FRY: variants seen among roughly 807,000 people sequenced by gnomAD.
FRY encodes the protein FRY microtubule binding protein.
In FRY, 128 loss-of-function variants were observed where a neutral mutation model predicts 348.4. The observed-to-expected ratio is 0.37, with a 90% CI of 0.32 to 0.43. The LOEUF is 0.43. Among genes scored for constraint, FRY ranks in the 20% least tolerant of loss-of-function variants. The pLI is 1.00. For missense variants in FRY, 2,736 were observed against 3,695.2 expected (o/e 0.74, Z 6.73); for synonymous variants, 1,370 against 1,374.7 (o/e 1.00, Z 0.08).
intron 17 of FRY, among the ~76,000 whole-genome samples, chr13:32,162,008 G>A (rs1280745672): frequency 6.6e-6 from 1 of 152,156 alleles, no homozygotes; most frequent in African/African-American, 2.4e-5. Flanking sequence ...AAAATTATTA[G>A]ACACGTGGGA....
chr13:32,073,674 A>C (rs943585754), intron 1 of FRY, among the ~76,000 whole-genome samples: 4 of 152,246 alleles, frequency 2.6e-5, no homozygotes, highest in Non-Finnish European at 5.9e-5. Context: ...TGCCTGGAAC[A>C]GTGCCTGAAG....
At chr13:32,197,935 T>C (rs1883775708) in intron 29 of FRY, among the ~76,000 whole-genome samples, 1 of 151,598 alleles carries the variant, frequency 6.6e-6, no homozygotes, top group Non-Finnish European at 1.5e-5. Flanking sequence ...ATCACAGCTG[T>C]CTTTATCTTT....
intron 58 of FRY, 28 bp downstream of exon 58, chr13:32,278,576 C>A: frequency 9.0e-7 from 1 of 1,109,256 alleles, no homozygotes; most frequent in Non-Finnish European, 1.4e-6. Flanking sequence ...GAATGGGTCT[C>A]TTGTGTGCTC....
chr13:32,272,674 A>G (rs1187447630), intron 55 of FRY, among the ~76,000 whole-genome samples: 2 of 152,150 alleles, frequency 1.3e-5, no homozygotes, highest in African/African-American at 4.8e-5. Context: ...AAAACAAAAC[A>G]AAAAACATTG....
At position 32,131,859 on chromosome 13, in the gene FRY, G is replaced by C. The variant is rs376631619; in HGVS notation, c.885+19G>C. On this transcript the variant is annotated intron_variant, in intron 8 of 60. Coordinates refer to ENST00000542859, the MANE Select transcript of FRY (RefSeq NM_023037.3). ...TATGCAGGTAATGTCTTAGGCAGGA[G>C]AGCTAAGGTGCTCTCAACTTGAGCA... The C allele has an allele frequency of 6.2e-6, 10 of 1,600,560 alleles. No homozygotes were observed. The South Asian group carries it at 6.6e-5, about 11-fold the overall frequency.
chr13:32,080,459 C>T lies in FRY; in HGVS notation c.270+1426C>T, dbSNP rs191174049. ...AGTTAAGTAAATACTCAAGGTCACA[C>T]AGTGTTGATTTAAACTCAAACTAGG... On this transcript the variant is annotated intron_variant, in intron 2 of 60. Coordinates refer to ENST00000542859, the MANE Select transcript of FRY (RefSeq NM_023037.3). Among the ~76,000 whole-genome samples the T allele has an allele frequency of 2.1e-3, 321 of 152,332 alleles. 1 individual carries two copies. The highest frequency in any genetic ancestry group is 3.7e-3 in the Non-Finnish European group (249 of 68,024).
chr13:32,173,292 T>C, intron 18 of FRY, 75 bp from the exon 19 acceptor site: 1 of 1,158,930 alleles, frequency 8.6e-7, no homozygotes, highest in South Asian at 1.2e-5. Flanking sequence ...GTGCAAAAAA[T>C]ATGTAAAACA....
rs144509680 is a variant in FRY, at chr13:32,261,750, G to T, written c.7551G>T (p.Glu2517Asp). 228 of 1,614,150 alleles carry T rather than the reference G, an allele frequency of 1.4e-4. No homozygotes were observed. Among genetic ancestry groups the T allele is most frequent in the Non-Finnish European group, 1.9e-4 (221 of 1,180,022 alleles). ...CTAGCCTGAATAAAATGCACCATGA[G>T]GACTCCGATGAATCATCCGAGGAGG... ...STPSLNKMHH[E>D]DSDESSEEED... The change falls in exon 52 of 61, where the codon GAG becomes GAT. Residue 2517 changes from glutamate to aspartate, a missense_variant. Coordinates refer to ENST00000542859, the MANE Select transcript of FRY (RefSeq NM_023037.3).
chr13:32,053,843 A>G (rs369756284), intron 1 of FRY, among the ~76,000 whole-genome samples: 2 of 152,306 alleles, frequency 1.3e-5, no homozygotes, highest in East Asian at 3.9e-4. Flanking sequence ...AAGAGGCCTT[A>G]GTAGTAAAAG....
At chr13:32,088,658 T>C (rs1347593440) in intron 2 of FRY, among the ~76,000 whole-genome samples, 1 of 118,438 alleles carries the variant, frequency 8.4e-6, no homozygotes, top group Non-Finnish European at 2.0e-5. Context: ...AAATGAAATT[T>C]AATACACCAC....
rs763884326 is a variant in FRY, at chr13:32,265,589, G to A, written c.7919G>A (p.Arg2640Gln). The change falls in exon 54 of 61, where the codon CGG (arginine) becomes CAG (glutamine). Residue 2640 changes from arginine (R) to glutamine (Q), a missense_variant. By Grantham distance (43) the Arg-to-Gln change is conservative (BLOSUM62 1). This residue lies in a region of FRY where 789 missense variants were observed against 996.2 expected (regional missense o/e 0.79). Transcript: ENST00000542859. ...ACTGAGGGGGAAGAAAAAGGCAATC[G>A]GGCACTGGACCAGTTTACCCTGGCG... is the stretch of plus-strand genomic sequence containing the variant. ...DMTEGEEKGN[R>Q]ALDQFTLASF... is the part of the protein sequence containing the mutation. 9 of 1,614,028 alleles carry A rather than the reference G, an allele frequency of 5.6e-6. No individual in the cohort carries two copies. The highest frequency in any genetic ancestry group is 4.4e-5 in the South Asian group (4 of 91,074).
At chr13:32,095,554 A>G (rs375760656) in intron 2 of FRY, among the ~76,000 whole-genome samples, 153 of 152,194 alleles carry the variant, frequency 1.0e-3, no homozygotes, top group African/African-American at 3.6e-3. Context: ...CATGTTGGTC[A>G]GCCTGGTCTC....
intron 11 of FRY, among the ~76,000 whole-genome samples, chr13:32,138,947 G>A (rs1164516408): frequency 1.3e-5 from 2 of 152,096 alleles, no homozygotes; most frequent in African/African-American, 4.8e-5. Context: ...CATACCCCAC[G>A]AATCACGAAA....
intron 3 of FRY, among the ~76,000 whole-genome samples, chr13:32,107,574 C>A (rs1877638175): frequency 6.6e-6 from 1 of 152,160 alleles, no homozygotes. Context: ...CTCCTGGCAA[C>A]CATGTGCCAA....
At chr13:32,145,562 G>C (rs1880378567) in intron 11 of FRY, among the ~76,000 whole-genome samples, 1 of 137,612 alleles carries the variant, frequency 7.3e-6, no homozygotes. Flanking sequence ...TTTTGAGACG[G>C]AGTCTCGCTC....
intron 2 of FRY, among the ~76,000 whole-genome samples, chr13:32,086,184 C>T (rs1875850704): frequency 6.6e-6 from 1 of 152,176 alleles, no homozygotes; most frequent in Non-Finnish European, 1.5e-5. Flanking sequence ...GGCTGGATTA[C>T]TCAGCTAAGT....
chr13:32,278,572 G>T (rs1888656070), intron 58 of FRY, 24 bp downstream of exon 58: 2 of 1,160,946 alleles, frequency 1.7e-6, no homozygotes. Context: ...GTTAGAATGG[G>T]TCTCTTGTGT....
In FRY at chr13:32,208,876, A is replaced by G; in HGVS notation, c.4042A>G (p.Thr1348Ala). The change falls in exon 32 of 61, where the codon ACA becomes GCA. Residue 1348 changes from threonine to alanine, a missense_variant. Thr to Ala is a moderately conservative substitution (Grantham distance 58). Transcript: ENST00000542859. ...FSEVSQRFPT[T>A]HPNGRQIMLT... ...AGAGGTAAGCCAGCGATTCCCCACAACACACCCCAACGGGCGCCAGATCAT... is the reference window on the plus strand; with the variant it reads ...AGAGGTAAGCCAGCGATTCCCCACAGCACACCCCAACGGGCGCCAGATCAT... 6.2e-7 allele frequency: 1 copy of G among 1,614,110 alleles called. No homozygotes were observed.
At chr13:32,171,342 T>G in intron 18 of FRY, 72 bp downstream of exon 18, 2 of 1,337,898 alleles carry the variant, frequency 1.5e-6, no homozygotes, top group East Asian at 2.6e-5. Context: ...GAGACAGTCT[T>G]ACTCTGTTGC....
Sources: allele counts gnomAD v4.1 joint callset (sites outside exome capture counted in the v4.1 genomes callset), GRCh38; gene constraint gnomAD v4.1.1; regional missense constraint gnomAD v4.1.1; transcripts MANE v1.5; gene names NCBI Gene and HGNC (gene_info 2026-07-23, HGNC 2026-07-21).